The following RHOA variants were observed in gnomAD, a reference collection of about 807,000 sequenced individuals.
RHOA encodes the protein transforming protein RhoA.
A neutral mutation model predicts 17.5 loss-of-function variants in RHOA; 3 were observed. The ratio of observed to expected loss-of-function variants is 0.17; its 90% CI spans 0.08 to 0.44. The LOEUF (loss-of-function observed/expected upper bound fraction) is 0.44. Among genes scored for constraint, RHOA ranks in the 20% least tolerant of loss-of-function variants. The pLI is 0.99. For synonymous variants in RHOA, 98 were observed against 88.4 expected (o/e 1.11, Z -0.61); for missense variants, 56 against 242.3 (o/e 0.23, Z 5.10).
rs2048234242 is a variant in RHOA at position 49,376,720 on chromosome 3, AC to A, written c.-2-1130del. On this transcript the variant is annotated intron_variant, in intron 1 of 4. Transcript: ENST00000418115. The stretch of plus-strand genomic sequence containing the variant: ...AATGAAAGGACTGATGAAAGGGAGT[AC>A]CCAAGGGAGGAAAGAACCAAAAAAG... Among the ~76,000 whole-genome samples, 3 of 152,068 alleles carry A rather than the reference AC, an allele frequency of 2.0e-5. 1 individual carries two copies. The highest frequency in any genetic ancestry group is 2.0e-4 in the Admixed American group (3 of 15,250).
chr3:49,391,367 G>GCTCA (rs2048503279), intron 1 of RHOA, among the ~76,000 whole-genome samples: 1 of 149,936 alleles, frequency 6.7e-6, no homozygotes, highest in Non-Finnish European at 1.5e-5. Flanking sequence ...ACTCCAACTT[G>GCTCA]AGCGACAGAG....
chr3:49,409,253 G>A (rs2048892669), intron 1 of RHOA, among the ~76,000 whole-genome samples: 1 of 151,946 alleles, frequency 6.6e-6, no homozygotes, highest in African/African-American at 2.4e-5. Flanking sequence ...AAGTTAGCCA[G>A]GAATGGTGGT....
chr3:49,374,402 C>G (rs1400313805), intron 2 of RHOA, among the ~76,000 whole-genome samples: 1 of 151,970 alleles, frequency 6.6e-6, no homozygotes, highest in East Asian at 1.9e-4. Context: ...ATGAACTAAA[C>G]TTCAAATATA....
intron 3 of RHOA, among the ~76,000 whole-genome samples, chr3:49,364,580 G>A (rs1487820659): frequency 6.6e-6 from 1 of 152,124 alleles, no homozygotes; most frequent in East Asian, 1.9e-4. Flanking sequence ...GAAATTCCTT[G>A]AACCAGGGAG....
intron 1 of RHOA, among the ~76,000 whole-genome samples, chr3:49,407,966 C>T (rs532919674): frequency 3.7e-4 from 57 of 152,190 alleles, no homozygotes; most frequent in Non-Finnish European, 6.3e-4. Context: ...TCGAGAACAG[C>T]CTGACCAACA....
chr3:49,374,170 G>A (rs1430176580), intron 2 of RHOA, among the ~76,000 whole-genome samples: 1 of 152,052 alleles, frequency 6.6e-6, no homozygotes, highest in Non-Finnish European at 1.5e-5. Flanking sequence ...CTAACACGGT[G>A]AAACCCCGTC....
intron 1 of RHOA, among the ~76,000 whole-genome samples, chr3:49,403,932 A>T (rs1459257795): frequency 6.6e-6 from 1 of 151,666 alleles, no homozygotes; most frequent in Non-Finnish European, 1.5e-5. Context: ...ATTCCAAGAA[A>T]TCTTAGGGTG....
chr3:49,370,816 G>A (rs2048136510), intron 2 of RHOA, among the ~76,000 whole-genome samples: 1 of 152,094 alleles, frequency 6.6e-6, no homozygotes, highest in Non-Finnish European at 1.5e-5. Context: ...GGCCCAAGAG[G>A]TCTCCCTCCA....
intron 1 of RHOA, among the ~76,000 whole-genome samples, chr3:49,397,736 G>A (rs549474457): frequency 1.3e-5 from 2 of 152,208 alleles, no homozygotes; most frequent in South Asian, 2.1e-4. Context: ...GATTAGAGGG[G>A]AACGAGATTT....
rs761095111 is a variant in RHOA at position 49,360,391 on chromosome 3, G to GAAAAA, written c.409-14_409-10dup. On this transcript the variant is annotated splice_polypyrimidine_tract_variant and intron_variant, in intron 4 of 4. Transcript: ENST00000418115. ...TCAGGTTTCACCGGCTCCTAGCAAA[G>GAAAAA]AAAAAAAAATAGTCCTTTTAGCTAA... is the stretch of plus-strand genomic sequence containing the variant. The GAAAAA allele has an allele frequency of 6.4e-7, 1 of 1,566,558 alleles. No individual in the cohort carries two copies. Among genetic ancestry groups the GAAAAA allele is most frequent in the Middle Eastern group, 1.7e-4 (1 of 5,830 alleles).
chr3:49,384,930 G>A (rs1415459816), intron 1 of RHOA, among the ~76,000 whole-genome samples: 1 of 151,890 alleles, frequency 6.6e-6, no homozygotes, highest in Non-Finnish European at 1.5e-5. Flanking sequence ...TAGCGTGGTG[G>A]CAGGCACCTG....
intron 1 of RHOA, among the ~76,000 whole-genome samples, chr3:49,390,788 TAA>T (rs1439864001): frequency 6.6e-6 from 1 of 152,072 alleles, no homozygotes; most frequent in East Asian, 1.9e-4. Context: ...GATATTAATA[TAA>T]AAGAGTACGG....
intron 1 of RHOA, among the ~76,000 whole-genome samples, chr3:49,391,802 T>G (rs1575668538): frequency 7.3e-6 from 1 of 136,684 alleles, no homozygotes. Flanking sequence ...TGAGCCACTG[T>G]GCCCGGCCTA....
chr3:49,383,498 ATCT>A, intron 1 of RHOA, among the ~76,000 whole-genome samples: 1 of 152,126 alleles, frequency 6.6e-6, no homozygotes, highest in East Asian at 1.9e-4. Flanking sequence ...ATTGACTTAA[ATCT>A]TCTGTTATGG....
rs1250486455 is a variant in RHOA, at chr3:49,360,337, C to T, written c.454G>A (p.Gly152Ser). The change falls in exon 5 of 5, where the codon GGC becomes AGC. Residue 152 changes from glycine (G) to serine (S), a missense_variant. This residue lies in a region of RHOA where 39 missense variants were observed against 86.0 expected (regional missense o/e 0.45). Coordinates refer to ENST00000418115, the MANE Select transcript of RHOA (RefSeq NM_001664.4). ...GAACACTCCATGTACCCAAAAGCGC[C>T]AATCCTGTTTGCCATATCTCTGCCT... ...EEGRDMANRI[G>S]AFGYMECSAK... The T allele has an allele frequency of 6.2e-7, 1 of 1,613,664 alleles. No individual in the cohort carries two copies. The highest frequency in any genetic ancestry group is 1.3e-5 in the African/African-American group (1 of 74,904).
At position 49,382,274 on chromosome 3, in the gene RHOA, G is replaced by A. The variant is rs146824370; in HGVS notation, c.-2-6683C>T. ...GTGGAGCTTGCAGTGAGCTAAGATC[G>A]TGCCACTGCACTCCAGCCTGGGTGA... is the stretch of plus-strand genomic sequence containing the variant. On this transcript the variant is annotated intron_variant, in intron 1 of 4. Coordinates refer to ENST00000418115, the MANE Select transcript of RHOA (RefSeq NM_001664.4). Among the ~76,000 whole-genome samples the A allele has an allele frequency of 4.6e-5, 7 of 151,924 alleles. No individual in the cohort carries two copies. The East Asian group carries it at 5.8e-4, about 13-fold the overall frequency.
At chr3:49,407,626 GTTT>G (rs142442466) in intron 1 of RHOA, among the ~76,000 whole-genome samples, 1 of 149,094 alleles carries the variant, frequency 6.7e-6, no homozygotes, top group South Asian at 2.1e-4. Flanking sequence ...AGTGATTCTA[GTTT>G]TTTTTTTAAT....
intron 1 of RHOA, among the ~76,000 whole-genome samples, chr3:49,381,650 A>C (rs1384361945): frequency 6.6e-6 from 1 of 151,746 alleles, no homozygotes; most frequent in Non-Finnish European, 1.5e-5. Context: ...GTGGATCACG[A>C]TGTCAGGAGT....
At chr3:49,386,344 T>C (rs1387752344) in intron 1 of RHOA, among the ~76,000 whole-genome samples, 2 of 152,186 alleles carry the variant, frequency 1.3e-5, no homozygotes, top group Non-Finnish European at 2.9e-5. Context: ...CACTACTTTG[T>C]AGAAGAGGAA....
Sources: gnomAD v4.1 joint callset for allele counts (sites outside exome capture counted in the v4.1 genomes callset) on GRCh38, gnomAD v4.1.1 for gene constraint, gnomAD v4.1.1 regional missense constraint, MANE v1.5 for transcripts, NCBI Gene and HGNC (gene_info 2026-07-23, HGNC 2026-07-21) for gene names.